The following ATAD2B variants were observed in gnomAD, a reference collection of about 807,000 sequenced individuals.
ATAD2B encodes the protein ATPase family AAA domain containing 2B.
Under a neutral mutation model 167.6 loss-of-function variants are expected in ATAD2B, and 40 were observed. That is an observed-to-expected ratio of 0.24 (90% CI 0.19 to 0.31). The LOEUF (loss-of-function observed/expected upper bound fraction) is 0.31, where lower values mean the gene tolerates loss of function less well. Among genes scored for constraint, ATAD2B ranks in the 10% least tolerant of loss-of-function variants. The probability of loss-of-function intolerance (pLI) is 1.00; values close to 1 mark genes in which losing one functional copy is unlikely to be tolerated. For missense variants in ATAD2B, 1,242 were observed against 1,757.2 expected, an observed-to-expected ratio of 0.71 and a Z score of 5.24; for synonymous variants, 579 against 596.5, an observed-to-expected ratio of 0.97 and a Z score of 0.43.
the ATAD2B span, among the ~76,000 whole-genome samples, chr2:23,741,465 T>C: frequency 6.6e-6 from 1 of 151,924 alleles, no homozygotes; most frequent in African/African-American, 2.4e-5. Context: ...GGATTCCCTA[T>C]TTAATAAATG....
At chr2:23,772,032 C>T (rs1436258878) in intron 22 of ATAD2B, among the ~76,000 whole-genome samples, 1 of 152,230 alleles carries the variant, frequency 6.6e-6, no homozygotes, top group Admixed American at 6.5e-5. Flanking sequence ...GGCAACCACA[C>T]TACTCCTCTT....
intron 13 of ATAD2B, among the ~76,000 whole-genome samples, chr2:23,840,789 T>C (rs372398145): frequency 6.6e-6 from 1 of 152,236 alleles, no homozygotes. Context: ...GATCTATCAA[T>C]TACTGAGAGA....
At chr2:23,765,455 C>G in intron 23 of ATAD2B, 51 bp downstream of exon 23, 1 of 1,488,220 alleles carries the variant, frequency 6.7e-7, no homozygotes, top group Non-Finnish European at 9.1e-7. Context: ...GTACTCTTGG[C>G]CTGAACAGAG....
At chr2:23,691,810 A>G in the ATAD2B span, 6 of 1,551,366 alleles carry the variant, frequency 3.9e-6, no homozygotes, top group Non-Finnish European at 5.2e-6. Flanking sequence ...CAACGCCAAG[A>G]CACTGCTGGA....
Position 23,757,000 on chromosome 2 carries a change from C to T in ATAD2B, c.4078+418G>A, listed in dbSNP as rs117535317. Among the ~76,000 whole-genome samples, 146 of 152,244 alleles carry T rather than the reference C, an allele frequency of 9.6e-4. 1 individual carries two copies. The East Asian group carries it at 0.018, about 18-fold the overall frequency. ...TTTAATCTAGGTCTATATTACTCTT[C>T]CGAATATATCATACTGCTATTATCA... On this transcript the variant is annotated intron_variant, in intron 25 of 27. Transcript: ENST00000238789.
At chr2:23,715,811 C>A in the ATAD2B span, among the ~76,000 whole-genome samples, 1 of 152,098 alleles carries the variant, frequency 6.6e-6, no homozygotes. Context: ...GGCAATTACT[C>A]CTTTCTTTGG....
At chr2:23,868,267 T>C (rs1184026398) in intron 9 of ATAD2B, among the ~76,000 whole-genome samples, 1 of 152,254 alleles carries the variant, frequency 6.6e-6, no homozygotes. Context: ...TAAACCTATA[T>C]GTATTATAAT....
intron 13 of ATAD2B, among the ~76,000 whole-genome samples, chr2:23,852,438 A>G (rs1463032961): frequency 6.6e-6 from 1 of 152,126 alleles, no homozygotes; most frequent in Non-Finnish European, 1.5e-5. Context: ...ATCTCATCTA[A>G]TACACATCAA....
the ATAD2B span, chr2:23,708,245 ATTAT>A: frequency 4.6e-5 from 7 of 151,680 alleles, no homozygotes; most frequent in East Asian, 1.9e-4. Context: ...AGTTTTTAAT[ATTAT>A]TTATTATTTT....
intron 27 of ATAD2B, among the ~76,000 whole-genome samples, chr2:23,753,880 C>A (rs1675646364): frequency 6.6e-6 from 1 of 151,978 alleles, no homozygotes; most frequent in Non-Finnish European, 1.5e-5. Flanking sequence ...CAGTTATAAG[C>A]AAGTAGGGAG....
At chr2:23,894,827 T>C (rs1351869642) in intron 2 of ATAD2B, among the ~76,000 whole-genome samples, 2 of 152,206 alleles carry the variant, frequency 1.3e-5, no homozygotes, top group Non-Finnish European at 2.9e-5. Context: ...ATGATTCATG[T>C]ATTTTTCTAC....
intron 12 of ATAD2B, among the ~76,000 whole-genome samples, chr2:23,858,357 G>A (rs1693771294): frequency 6.6e-6 from 1 of 151,728 alleles, no homozygotes; most frequent in Non-Finnish European, 1.5e-5. Flanking sequence ...CTCACCTCAG[G>A]TAATCCACCC....
chr2:23,763,876 G>A (rs1375245748), intron 23 of ATAD2B, among the ~76,000 whole-genome samples: 1 of 152,196 alleles, frequency 6.6e-6, no homozygotes, highest in Admixed American at 6.5e-5. Context: ...ACAGGCGTGA[G>A]CCACCATGTT....
In ATAD2B at chr2:23,841,092, A is replaced by G. The variant is rs144775943; in HGVS notation, c.1569-7014T>C. Among the ~76,000 whole-genome samples the G allele has an allele frequency of 3.7e-3, 552 of 147,428 alleles. 3 individuals carry two copies. The highest frequency in any genetic ancestry group is 0.013 in the African/African-American group (522 of 40,288). On this transcript the variant is annotated intron_variant, in intron 13 of 27. Transcript: ENST00000238789. Reference sequence around the variant, plus strand: ...ACAGGACAGGCATGCACTATCATGCATGGCTATTTTTTTTTTTTTTTTTTT... The same window carrying G: ...ACAGGACAGGCATGCACTATCATGCGTGGCTATTTTTTTTTTTTTTTTTTT...
intron 1 of ATAD2B, among the ~76,000 whole-genome samples, chr2:23,912,712 C>T (rs992169586): frequency 2.3e-4 from 35 of 152,048 alleles, no homozygotes; most frequent in Middle Eastern, 3.4e-3. Flanking sequence ...AATATGGGGC[C>T]GGGCACAATG....
chr2:23,850,494 A>C (rs1692396977), intron 13 of ATAD2B, among the ~76,000 whole-genome samples: 1 of 152,244 alleles, frequency 6.6e-6, no homozygotes, highest in African/African-American at 2.4e-5. Context: ...AATTAAAAAC[A>C]AACAGAAAAG....
At chr2:23,823,152 C>A in intron 16 of ATAD2B, 106 bp downstream of exon 16, 1 of 1,003,178 alleles carries the variant, frequency 1.0e-6, no homozygotes, top group Non-Finnish European at 1.4e-6. Flanking sequence ...ACTGAATAAA[C>A]AGATATATTA....
chr2:23,881,054 T>C (rs1012268355), intron 6 of ATAD2B, among the ~76,000 whole-genome samples: 3 of 152,210 alleles, frequency 2.0e-5, no homozygotes, highest in African/African-American at 4.8e-5. Flanking sequence ...AATGCAATAA[T>C]AGAAAACAGA....
intron 13 of ATAD2B, among the ~76,000 whole-genome samples, chr2:23,843,652 G>A (rs1386388850): frequency 6.6e-6 from 1 of 152,130 alleles, no homozygotes; most frequent in Non-Finnish European, 1.5e-5. Flanking sequence ...AGCAAACTCA[G>A]GAAATGTACA....
Sources: allele counts gnomAD v4.1 joint callset (sites outside exome capture counted in the v4.1 genomes callset), GRCh38; gene constraint gnomAD v4.1.1; transcripts MANE v1.5; gene names NCBI Gene and HGNC (gene_info 2026-07-23, HGNC 2026-07-21).